Variants in EXD1 observed in about 807,000 individuals in gnomAD.
The protein encoded by EXD1 is piRNA biogenesis protein EXD1.
A neutral mutation model predicts 49.1 loss-of-function variants in EXD1; 63 were observed. The observed-to-expected ratio is 1.28, with a 90% CI of 1.05 to 1.58. EXD1 has a LOEUF of 1.58. EXD1 is among the 40% of genes most tolerant of loss of function. The pLI, the probability that EXD1 is intolerant of heterozygous loss-of-function variation, is 0.00. For synonymous variants in EXD1, 234 were observed against 239.2 expected, an observed-to-expected ratio of 0.98 and a Z score of 0.20; for missense variants, 748 against 666.0, an observed-to-expected ratio of 1.12 and a Z score of -1.36.
chr15:41,190,281 T>C, intron 10 of EXD1, 153 bp from the exon 11 acceptor site: 5 of 734,902 alleles, frequency 6.8e-6, no homozygotes, highest in Non-Finnish European at 1.1e-5. Context: ...AAGACCATCC[T>C]GGCCAACAAG....
At chr15:41,207,564 AT>A (rs1160695690) in intron 7 of EXD1, among the ~76,000 whole-genome samples, 1 of 152,070 alleles carries the variant, frequency 6.6e-6, no homozygotes, top group Non-Finnish European at 1.5e-5. Flanking sequence ...AATAAAAAAA[AT>A]AAACGTAGTG....
chr15:41,223,148 T>A (rs1185881364), intron 2 of EXD1, among the ~76,000 whole-genome samples: 1 of 152,076 alleles, frequency 6.6e-6, no homozygotes, highest in East Asian at 1.9e-4. Context: ...AGGCTGGATG[T>A]GGTGGCTCAC....
At chr15:41,201,850 A>G (rs1165459862) in intron 7 of EXD1, among the ~76,000 whole-genome samples, 1 of 152,072 alleles carries the variant, frequency 6.6e-6, no homozygotes, top group Non-Finnish European at 1.5e-5. Flanking sequence ...CTAAGAGAGT[A>G]AAGACAAAAA....
At chr15:41,199,338 T>C (rs1297405776) in intron 7 of EXD1, among the ~76,000 whole-genome samples, 2 of 151,498 alleles carry the variant, frequency 1.3e-5, no homozygotes, top group Non-Finnish European at 2.9e-5. Context: ...TCCACCCGTC[T>C]CAGCCTCTCA....
chr15:41,217,177 C>T (rs2047012971), intron 3 of EXD1, 23 bp from the exon 4 acceptor site: 1 of 1,606,880 alleles, frequency 6.2e-7, no homozygotes, highest in East Asian at 2.2e-5. Context: ...CAAATGGCTT[C>T]CAACAGAGTT....
At chr15:41,204,946 C>G (rs567672260) in intron 7 of EXD1, among the ~76,000 whole-genome samples, 2 of 152,210 alleles carry the variant, frequency 1.3e-5, no homozygotes, top group South Asian at 4.1e-4. Flanking sequence ...AGAGCCAAGA[C>G]GAATCTAGAC....
At chr15:41,184,694 G>C (rs749643322) in intron 11 of EXD1, 101 bp from the exon 12 acceptor site, 1 of 1,245,398 alleles carries the variant, frequency 8.0e-7, no homozygotes, top group Non-Finnish European at 1.1e-6. Flanking sequence ...TCGCTCTGTC[G>C]CCCAGGCTGA....
rs2046712538 is a variant in EXD1 at position 41,200,519 on chromosome 15, CTG to C, written c.535-4484_535-4483del. 3.3e-5 allele frequency among the ~76,000 whole-genome samples: 5 copies of C among 152,238 alleles called. No individual in the cohort carries two copies. The South Asian group carries it at 1.0e-3, about 32-fold the overall frequency. On this transcript the variant is annotated intron_variant, in intron 7 of 11. Coordinates refer to ENST00000458580, the MANE Select transcript of EXD1 (RefSeq NM_001286441.2). ...AGCCTGAGCAAGAAAGAGCAAGACT[CTG>C]TCTCAAAATAATGATAATAATAAAT...
At chr15:41,218,961 T>G (rs7165551) in intron 3 of EXD1, among the ~76,000 whole-genome samples, 27 of 151,990 alleles carry the variant, frequency 1.8e-4, no homozygotes, top group Non-Finnish European at 3.8e-4. Context: ...GTCCTTTCCT[T>G]TCTTCAGATC....
intron 2 of EXD1, among the ~76,000 whole-genome samples, chr15:41,224,559 A>T (rs950176823): frequency 1.1e-4 from 16 of 152,156 alleles, no homozygotes; most frequent in Non-Finnish European, 1.9e-4. Flanking sequence ...CAAAGATGAC[A>T]TGGAAATTCT....
chr15:41,206,474 G>GA lies in EXD1; in HGVS notation c.534+3026dup, dbSNP rs34195951. Among the ~76,000 whole-genome samples the GA allele has an allele frequency of 2.3e-3, 204 of 86,904 alleles. 2 individuals are homozygous for GA. Among genetic ancestry groups the GA allele is most frequent in the East Asian group, 0.013 (37 of 2,824 alleles). 57.0% of individuals were successfully genotyped at this position (86,904 alleles called of 152,430 possible). A position where few individuals can be genotyped will look rare whatever the true frequency, so the allele number is the denominator to read the frequency against. Reference sequence around the variant, plus strand: ...CTGGGCAACAGAGAGACCCTGTCTCGAAAAAAAAAAAAAAAAAAAGAAACA... The same window carrying GA: ...CTGGGCAACAGAGAGACCCTGTCTCGAAAAAAAAAAAAAAAAAAAAGAAACA... On this transcript the variant is annotated intron_variant, in intron 7 of 11. Coordinates refer to ENST00000458580, the MANE Select transcript of EXD1 (RefSeq NM_001286441.2).
intron 2 of EXD1, among the ~76,000 whole-genome samples, chr15:41,222,308 C>G (rs1444677824): frequency 1.3e-5 from 2 of 152,058 alleles, no homozygotes; most frequent in African/African-American, 4.8e-5. Context: ...CCCAGCTGTT[C>G]AGAGGCCAAG....
At chr15:41,186,470 C>CAAAAAAAAAAAAAAAAAAAAA in intron 11 of EXD1, among the ~76,000 whole-genome samples, 1 of 68,284 alleles carries the variant, frequency 1.5e-5, no homozygotes, top group Non-Finnish European at 2.7e-5. Flanking sequence ...GACTCTGTCT[C>CAAAAAAAAAAAAAAAAAAAAA]AAAAAAAAAA....
intron 7 of EXD1, among the ~76,000 whole-genome samples, chr15:41,207,278 A>G (rs1271091323): frequency 3.3e-5 from 5 of 150,662 alleles, no homozygotes; most frequent in Admixed American, 6.6e-5. Flanking sequence ...GTGGTGGCTC[A>G]TGCCTGTAAT....
intron 7 of EXD1, among the ~76,000 whole-genome samples, chr15:41,199,171 C>G (rs1349585882): frequency 6.6e-6 from 1 of 152,020 alleles, no homozygotes; most frequent in Non-Finnish European, 1.5e-5. Context: ...GTTGACCAGG[C>G]TGGTCGTGAA....
intron 7 of EXD1, among the ~76,000 whole-genome samples, chr15:41,207,361 G>T (rs2046848443): frequency 6.6e-6 from 1 of 151,940 alleles, no homozygotes; most frequent in African/African-American, 2.4e-5. Flanking sequence ...GACCAAAATG[G>T]AGAAACCCTG....
intron 2 of EXD1, 114 bp from the exon 3 acceptor site, chr15:41,220,012 T>C: frequency 1.5e-6 from 1 of 678,350 alleles, no homozygotes; most frequent in Non-Finnish European, 2.4e-6. Flanking sequence ...AAAAAAAAAC[T>C]CCAAAAAAAT....
chr15:41,202,729 A>G (rs2046751882), intron 7 of EXD1, among the ~76,000 whole-genome samples: 1 of 152,052 alleles, frequency 6.6e-6, no homozygotes, highest in African/African-American at 2.4e-5. Context: ...AGCCTCCCAA[A>G]GTATTGGAAT....
chr15:41,227,364 G>T (rs1432664709), intron 1 of EXD1, among the ~76,000 whole-genome samples: 1 of 152,006 alleles, frequency 6.6e-6, no homozygotes, highest in Non-Finnish European at 1.5e-5. Context: ...TACGCTAAAG[G>T]TATTTTAAAA....
Sources: gnomAD v4.1 joint callset for allele counts (sites outside exome capture counted in the v4.1 genomes callset) on GRCh38, gnomAD v4.1.1 for gene constraint, MANE v1.5 for transcripts, NCBI Gene and HGNC (gene_info 2026-07-23, HGNC 2026-07-21) for gene names.